MB21D2: variants seen among roughly 807,000 people sequenced by gnomAD.
MB21D2 encodes nucleotidyltransferase MB21D2.
A neutral mutation model predicts 33.3 loss-of-function variants in MB21D2; 9 were observed. The observed-to-expected ratio is 0.27, with a 90% CI of 0.16 to 0.47. The LOEUF (loss-of-function observed/expected upper bound fraction) is 0.47. Among genes scored for constraint, MB21D2 ranks in the 20% least tolerant of loss-of-function variants. MB21D2 has a pLI of 0.99. For missense variants in MB21D2, 540 were observed against 624.6 expected, an observed-to-expected ratio of 0.86 and a Z score of 1.44; for synonymous variants, 241 against 236.3, an observed-to-expected ratio of 1.02 and a Z score of -0.18.
chr3:192,905,355 G>A (rs115525172), intron 1 of MB21D2, among the ~76,000 whole-genome samples: 10,216 of 152,084 alleles, frequency 0.067, 369 homozygotes, highest in African/African-American at 0.087. Context: ...TTAGCCAGGC[G>A]TGGCTGGGCA....
intron 1 of MB21D2, among the ~76,000 whole-genome samples, chr3:192,862,275 T>C (rs550180118): frequency 2.6e-5 from 4 of 152,290 alleles, no homozygotes; most frequent in Non-Finnish European, 5.9e-5. Context: ...TTGAAGGAAC[T>C]GGGAACATTC....
At chr3:192,819,882 C>T (rs1392592091) in intron 1 of MB21D2, among the ~76,000 whole-genome samples, 2 of 152,190 alleles carry the variant, frequency 1.3e-5, no homozygotes, top group Non-Finnish European at 2.9e-5. Flanking sequence ...GGAGAGCAGG[C>T]CCTGCAGCTC....
chr3:192,836,006 G>A (rs545774896), intron 1 of MB21D2, among the ~76,000 whole-genome samples: 6 of 152,308 alleles, frequency 3.9e-5, no homozygotes, highest in African/African-American at 1.4e-4. Flanking sequence ...TCTCTGAGGT[G>A]TTGGAGTGAG....
intron 1 of MB21D2, among the ~76,000 whole-genome samples, chr3:192,898,534 C>G (rs1214532769): frequency 6.6e-6 from 1 of 152,120 alleles, no homozygotes; most frequent in Non-Finnish European, 1.5e-5. Context: ...AAGCTCAGAA[C>G]ACACACAGCC....
chr3:192,835,214 G>T (rs1712409695), intron 1 of MB21D2, among the ~76,000 whole-genome samples: 1 of 148,772 alleles, frequency 6.7e-6, no homozygotes, highest in Admixed American at 6.6e-5. Flanking sequence ...CAGCACTTTG[G>T]GAGGCTGAGG....
intron 1 of MB21D2, among the ~76,000 whole-genome samples, chr3:192,845,380 G>C (rs78515056): frequency 0.024 from 3,707 of 152,274 alleles, 85 homozygotes; most frequent in African/African-American, 0.045. Flanking sequence ...TAGAGCCAAG[G>C]GTGAGCTTTG....
chr3:192,819,185 GGAATCAATGTTTACA>G (rs1322592413), intron 1 of MB21D2, among the ~76,000 whole-genome samples: 1 of 152,008 alleles, frequency 6.6e-6, no homozygotes, highest in East Asian at 1.9e-4. Context: ...AAGAGAGATA[GGAATCAATGTTTACA>G]GAGTATCTGC....
intron 1 of MB21D2, among the ~76,000 whole-genome samples, chr3:192,819,984 G>T (rs1479222557): frequency 6.6e-6 from 1 of 152,114 alleles, no homozygotes; most frequent in Non-Finnish European, 1.5e-5. Flanking sequence ...GGGGGTAGGG[G>T]AATCAGCTCC....
At chr3:192,901,604 A>G (rs1714104095) in intron 1 of MB21D2, among the ~76,000 whole-genome samples, 1 of 152,184 alleles carries the variant, frequency 6.6e-6, no homozygotes, top group South Asian at 2.1e-4. Flanking sequence ...AAACAAGTCA[A>G]GGTACAAACA....
chr3:192,830,640 G>C (rs1201340628), intron 1 of MB21D2, among the ~76,000 whole-genome samples: 1 of 152,218 alleles, frequency 6.6e-6, no homozygotes, highest in Non-Finnish European at 1.5e-5. Context: ...TCTTGAGAAG[G>C]AGAAAGGAGT....
At chr3:192,877,330 C>G (rs1381275082) in intron 1 of MB21D2, among the ~76,000 whole-genome samples, 2 of 152,114 alleles carry the variant, frequency 1.3e-5, no homozygotes, top group Non-Finnish European at 2.9e-5. Context: ...CAAAAAAGTT[C>G]ACATCTAGGT....
chr3:192,824,320 A>T (rs1489005710), intron 1 of MB21D2, among the ~76,000 whole-genome samples: 1 of 151,958 alleles, frequency 6.6e-6, no homozygotes, highest in Non-Finnish European at 1.5e-5. Flanking sequence ...TGTATTTTAA[A>T]TTTTTTTTAA....
At chr3:192,820,964 C>T (rs538237017) in intron 1 of MB21D2, among the ~76,000 whole-genome samples, 6 of 152,198 alleles carry the variant, frequency 3.9e-5, no homozygotes, top group South Asian at 4.1e-4. Flanking sequence ...GATGAGGTCT[C>T]GCTATGTTGC....
chr3:192,912,306 TTAAG>T (rs1387239067), intron 1 of MB21D2, among the ~76,000 whole-genome samples: 1 of 152,156 alleles, frequency 6.6e-6, no homozygotes, highest in African/African-American at 2.4e-5. Context: ...ATTACATTCA[TTAAG>T]TATTTGTCAA....
At chr3:192,815,093 T>C (rs530169372) in intron 1 of MB21D2, among the ~76,000 whole-genome samples, 1 of 152,276 alleles carries the variant, frequency 6.6e-6, no homozygotes, top group South Asian at 2.1e-4. Context: ...TTCATAGTAT[T>C]AAAGGATGTT....
intron 1 of MB21D2, among the ~76,000 whole-genome samples, chr3:192,851,584 TC>T (rs1712807799): frequency 6.8e-6 from 1 of 146,408 alleles, no homozygotes; most frequent in African/African-American, 2.5e-5. Flanking sequence ...AACCTCCGTC[TC>T]CCGGATTCAA....
intron 1 of MB21D2, among the ~76,000 whole-genome samples, chr3:192,910,038 A>G (rs1475541490): frequency 6.6e-6 from 1 of 151,620 alleles, no homozygotes; most frequent in East Asian, 1.9e-4. Context: ...GGTGTATGTT[A>G]CATGACAATG....
chr3:192,868,031 C>A (rs1416604185), intron 1 of MB21D2, among the ~76,000 whole-genome samples: 1 of 152,104 alleles, frequency 6.6e-6, no homozygotes, highest in Non-Finnish European at 1.5e-5. Flanking sequence ...CCGCTTTGTA[C>A]CCTGTCTGAA....
At chr3:192,826,583 ATAAAT>A (rs1712177316) in intron 1 of MB21D2, among the ~76,000 whole-genome samples, 1 of 152,264 alleles carries the variant, frequency 6.6e-6, no homozygotes, top group Non-Finnish European at 1.5e-5. Context: ...AAAGGGAAAA[ATAAAT>A]TAAGTTTTAA....
Sources: gnomAD v4.1 joint callset for allele counts (sites outside exome capture counted in the v4.1 genomes callset) on GRCh38, gnomAD v4.1.1 for gene constraint, MANE v1.5 for transcripts, NCBI Gene and HGNC (gene_info 2026-07-23, HGNC 2026-07-21) for gene names.